HCLS1: variants seen among roughly 807,000 people sequenced by gnomAD.
The protein encoded by HCLS1 is hematopoietic cell-specific Lyn substrate 1, also known as hematopoietic lineage cell-specific protein.
Under a neutral mutation model 68.6 loss-of-function variants are expected in HCLS1, and 44 were observed. The observed-to-expected ratio is 0.64, with a 90% CI of 0.50 to 0.82. The LOEUF is 0.82. HCLS1 is among the 40% of genes least tolerant of loss of function. The probability of loss-of-function intolerance (pLI) is 0.00; values close to 1 mark genes in which losing one functional copy is unlikely to be tolerated. For missense variants in HCLS1, 602 were observed against 612.1 expected (o/e 0.98, Z 0.17); for synonymous variants, 217 against 225.8 (o/e 0.96, Z 0.35).
Position 121,634,279 on chromosome 3 carries a change from C to T in HCLS1, c.831G>A (p.Glu277=). ...ERKAVTKRSP[E]APQPVIAMEE... ...CCATAGCTATCACTGGCTGTGGAGC[C>T]TCAGGGCTCCTCTTTGTCACAGCCT... Residue 277 remains glutamate, a synonymous_variant, in exon 10 of 14, where the codon GAG becomes GAA. Transcript: ENST00000314583. 1.9e-6 allele frequency: 3 copies of T among 1,614,174 alleles called. No homozygotes were observed. The highest frequency in any genetic ancestry group is 2.5e-6 in the Non-Finnish European group (3 of 1,180,046).
At chr3:121,642,636 C>T (rs2049211548) in intron 6 of HCLS1, among the ~76,000 whole-genome samples, 2 of 152,050 alleles carry the variant, frequency 1.3e-5, no homozygotes, top group African/African-American at 4.8e-5. Flanking sequence ...ATTAGCCAGG[C>T]ATGGTGGTGC....
At chr3:121,655,095 A>G (rs1335000577) in intron 3 of HCLS1, among the ~76,000 whole-genome samples, 1 of 152,192 alleles carries the variant, frequency 6.6e-6, no homozygotes, top group African/African-American at 2.4e-5. Flanking sequence ...CAATATCTCC[A>G]TCGTTTATTC....
chr3:121,635,815 G>A lies in HCLS1; in HGVS notation c.622-11C>T, dbSNP rs375257082. 4.4e-4 allele frequency: 706 copies of A among 1,613,134 alleles called. No individual in the cohort carries two copies. The highest frequency in any genetic ancestry group is 7.5e-4 in the Admixed American group (45 of 59,998). On this transcript the variant is annotated splice_polypyrimidine_tract_variant and intron_variant, in intron 8 of 13. Coordinates refer to ENST00000314583, the MANE Select transcript of HCLS1 (RefSeq NM_005335.6). ...GAAGCCGACAGCGCTCTGCAGGCAGGAGAACAGCATGTGTGTTGCGGGAGA... is the reference window on the plus strand; with the variant it reads ...GAAGCCGACAGCGCTCTGCAGGCAGAAGAACAGCATGTGTGTTGCGGGAGA...
chr3:121,635,293 CTCTT>C (rs2049140647), intron 9 of HCLS1, among the ~76,000 whole-genome samples: 1 of 147,982 alleles, frequency 6.8e-6, no homozygotes, highest in Admixed American at 6.8e-5. Flanking sequence ...TCCTCTCTCT[CTCTT>C]TCTTTCGTCT....
At chr3:121,655,749 G>T (rs1937852120) in intron 3 of HCLS1, 1 of 143,592 alleles carries the variant, frequency 7.0e-6, no homozygotes, top group Non-Finnish European at 1.5e-5. Flanking sequence ...GAATGACCCT[G>T]TTCCATTGTT....
chr3:121,651,015 G>A (rs1455630222), intron 3 of HCLS1, among the ~76,000 whole-genome samples: 1 of 152,058 alleles, frequency 6.6e-6, no homozygotes, highest in Non-Finnish European at 1.5e-5. Context: ...GGGCGCCTGA[G>A]TCCCAGCTAC....
chr3:121,634,469 G>C, intron 9 of HCLS1, 51 bp from the exon 10 acceptor site: 1 of 1,548,328 alleles, frequency 6.5e-7, no homozygotes, highest in Non-Finnish European at 8.9e-7. Context: ...GGAGAGTGGG[G>C]AAGGGCATGG....
At chr3:121,657,570 T>C (rs1244358117) in intron 2 of HCLS1, among the ~76,000 whole-genome samples, 4 of 152,054 alleles carry the variant, frequency 2.6e-5, no homozygotes, top group Non-Finnish European at 4.4e-5. Flanking sequence ...AATCCTAGCA[T>C]TTTAGGAGGC....
chr3:121,643,014 T>C (rs769745318), intron 5 of HCLS1, 33 bp from the exon 6 acceptor site: 3 of 1,588,486 alleles, frequency 1.9e-6, no homozygotes, highest in Middle Eastern at 1.7e-4. Flanking sequence ...TTGGTTAGAG[T>C]CAGAGCTGAC....
In HCLS1 at chr3:121,637,227, C is replaced by T. The variant is rs747709357; in HGVS notation, c.484G>A (p.Gly162Arg). 1.1e-5 allele frequency: 18 copies of T among 1,613,842 alleles called. No homozygotes were observed. The highest frequency in any genetic ancestry group is 6.7e-5 in the East Asian group (3 of 44,880). ...DYSRGFGGRY[G>R]VEKDKWDKAA... ...TTGTCCCATTTATCCTTCTCCACCC[C>T]GTACCGGCCACCAAAGCCACGAGAG... The change falls in exon 7 of 14, where the codon GGG (glycine) becomes AGG (arginine). Residue 162 changes from glycine to arginine, a missense_variant. By Grantham distance (125) the Gly-to-Arg change is moderately radical. Transcript: ENST00000314583.
intron 11 of HCLS1, 109 bp downstream of exon 11, chr3:121,632,958 A>T: frequency 1.4e-6 from 1 of 699,762 alleles, no homozygotes; most frequent in Non-Finnish European, 2.5e-6. Context: ...CAGTGCTAAC[A>T]CCAGAACAGT....
intron 3 of HCLS1, chr3:121,655,417 T>C (rs1455818645): frequency 1.3e-5 from 2 of 150,878 alleles, no homozygotes; most frequent in Non-Finnish European, 3.0e-5. Context: ...TCAGGGTGGC[T>C]ATTTTTTTTT....
chr3:121,637,516 A>T (rs2049161762), intron 6 of HCLS1, among the ~76,000 whole-genome samples: 2 of 152,110 alleles, frequency 1.3e-5, no homozygotes, highest in African/African-American at 4.8e-5. Flanking sequence ...TTCTTCAAGA[A>T]GGGGAAAGTA....
In HCLS1 at chr3:121,634,220, T is replaced by C. The variant is rs758676885; in HGVS notation, c.890A>G (p.Lys297Arg). The C allele has an allele frequency of 1.9e-6, 3 of 1,614,038 alleles. No individual in the cohort carries two copies. The highest frequency in any genetic ancestry group is 3.3e-5 in the Admixed American group (2 of 60,010). The change falls in exon 10 of 14, where the codon AAA becomes AGA. Residue 297 changes from lysine to arginine, a missense_variant. Transcript: ENST00000314583. The part of the protein sequence containing the change: ...EPAVPAPLPK[K>R]ISSEAWPPVG... The stretch of plus-strand genomic sequence containing the variant: ...CCAGGCGCTCACCTCTGAGGAGATT[T>C]TCTTGGGCAGTGGGGCCGGTACTGC...
At position 121,644,854 on chromosome 3, in the gene HCLS1, C is replaced by G; in HGVS notation, c.363G>C (p.Gly121=). 1 of 1,614,072 alleles carries G rather than the reference C, an allele frequency of 6.2e-7. No individual in the cohort carries two copies. Among genetic ancestry groups the G allele is most frequent in the Non-Finnish European group, 8.5e-7 (1 of 1,179,964 alleles). ...SSQTDAAKGF[G]GKYGVERDRA... ...TGTCCCTCTCAACTCCGTACTTGCCCCCAAAGCCTTTGGCAGCATCCGTCT... is the reference window on the plus strand; with the variant it reads ...TGTCCCTCTCAACTCCGTACTTGCCGCCAAAGCCTTTGGCAGCATCCGTCT... Residue 121 remains glycine (G), a synonymous_variant, in exon 5 of 14, where the codon GGG becomes GGC. Transcript: ENST00000314583.
chr3:121,651,776 C>G (rs982487121), intron 3 of HCLS1, among the ~76,000 whole-genome samples: 1 of 152,162 alleles, frequency 6.6e-6, no homozygotes. Context: ...CATCTGAAAC[C>G]CACACATTAC....
intron 9 of HCLS1, 57 bp downstream of exon 9, chr3:121,635,677 GA>G: frequency 7.3e-7 from 1 of 1,377,970 alleles, no homozygotes. Flanking sequence ...GTCTGGGGAA[GA>G]AAAAGAATGA....
Position 121,635,304 on chromosome 3 carries a change from G to A in HCLS1, c.691+431C>T, listed in dbSNP as rs112707298. On this transcript the variant is annotated intron_variant, in intron 9 of 13. Transcript: ENST00000314583. ...TCTCTCCTCTCTCTCTCTTTCTTTC[G>A]TCTCACTCTGTCACCCAGGCTGGAG... 3.9e-4 allele frequency among the ~76,000 whole-genome samples: 40 copies of A among 102,690 alleles called. 1 individual carries two copies. The highest frequency in any genetic ancestry group is 1.0e-3 in the Admixed American group (8 of 7,838). 67.4% of individuals were successfully genotyped at this position (102,690 alleles called of 152,430 possible). A position where few individuals can be genotyped will look rare whatever the true frequency, so the allele number is the denominator to read the frequency against.
At chr3:121,642,112 A>T (rs1288697889) in intron 6 of HCLS1, among the ~76,000 whole-genome samples, 1 of 147,052 alleles carries the variant, frequency 6.8e-6, no homozygotes, top group Admixed American at 6.9e-5. Context: ...GATCAATATT[A>T]TAGAAAGCGA....
Sources: allele counts gnomAD v4.1 joint callset (sites outside exome capture counted in the v4.1 genomes callset), GRCh38; gene constraint gnomAD v4.1.1; transcripts MANE v1.5; gene names NCBI Gene and HGNC (gene_info 2026-07-23, HGNC 2026-07-21).